Variants in HMGB1 observed in about 807,000 individuals in gnomAD.
HMGB1 encodes high mobility group protein B1.
For synonymous variants in HMGB1, 81 were observed against 84.0 expected, an observed-to-expected ratio of 0.96 and a Z score of 0.19; for missense variants, 79 against 253.5, an observed-to-expected ratio of 0.31 and a Z score of 4.67.
In HMGB1 at chr13:30,522,870, C is replaced by T. The variant is rs117870265; in HGVS notation, c.-14-59176G>A. On this transcript the variant is annotated intron_variant, in intron 1 of 4. Coordinates refer to the HMGB1 transcript ENST00000405805. ...AGCTGGGACTACAAGCATGCACTGC[C>T]GTGCCTGGCTCATTTTTGTATTTTT... Among the ~76,000 whole-genome samples the T allele has an allele frequency of 2.8e-4, 42 of 152,280 alleles. 2 individuals carry two copies. In the East Asian group the frequency reaches 6.9e-3, roughly 25 times the overall value.
intron 1 of HMGB1, among the ~76,000 whole-genome samples, chr13:30,505,101 G>A (rs867236682): frequency 1.3e-5 from 2 of 151,646 alleles, no homozygotes; most frequent in African/African-American, 2.4e-5. Context: ...TTCCCAAGTA[G>A]CTGGGACTAC....
intron 1 of HMGB1, among the ~76,000 whole-genome samples, chr13:30,580,759 A>G (rs1178976333): frequency 1.3e-5 from 2 of 152,194 alleles, no homozygotes; most frequent in Non-Finnish European, 1.5e-5. Flanking sequence ...TGGAGACTAG[A>G]ATGATACATA....
chr13:30,494,059 A>G (rs891194678), intron 1 of HMGB1, among the ~76,000 whole-genome samples: 1 of 152,154 alleles, frequency 6.6e-6, no homozygotes, highest in Admixed American at 6.5e-5. Flanking sequence ...TATTGTATAC[A>G]ACTCAGTAAA....
chr13:30,537,917 TC>T (rs1868531754), intron 1 of HMGB1, among the ~76,000 whole-genome samples: 1 of 152,048 alleles, frequency 6.6e-6, no homozygotes, highest in African/African-American at 2.4e-5. Flanking sequence ...TCCCTTCTTC[TC>T]TTTTTTAAAA....
intron 1 of HMGB1, among the ~76,000 whole-genome samples, chr13:30,608,737 C>G (rs548665989): frequency 6.6e-6 from 1 of 152,338 alleles, no homozygotes; most frequent in Non-Finnish European, 1.5e-5. Context: ...TAGTTCTTTG[C>G]AGCTCGTTGT....
intron 1 of HMGB1, among the ~76,000 whole-genome samples, chr13:30,513,885 T>C (rs1467125885): frequency 6.6e-6 from 1 of 152,188 alleles, no homozygotes; most frequent in Non-Finnish European, 1.5e-5. Flanking sequence ...AGCAATACTA[T>C]GCATCTAGCG....
chr13:30,469,750 C>T (rs1279456972), upstream of HMGB1, among the ~76,000 whole-genome samples: 1 of 152,202 alleles, frequency 6.6e-6, no homozygotes, highest in African/African-American at 2.4e-5. Flanking sequence ...CCTGCCTCAG[C>T]CTCCCGAACA....
At chr13:30,495,858 C>A (rs996099604) in intron 1 of HMGB1, among the ~76,000 whole-genome samples, 1 of 152,136 alleles carries the variant, frequency 6.6e-6, no homozygotes. Context: ...GGCCTTGAGT[C>A]ATTTCTCAGG....
chr13:30,461,335 A>G lies in HMGB1; in HGVS notation c.*22T>C, dbSNP rs201310993. ...GTTAAATGCTTTATAGACAAGAAAAAAAAAACTGCGCTAGAACCAACTTAT... is the reference window on the plus strand; with the variant it reads ...GTTAAATGCTTTATAGACAAGAAAAGAAAAACTGCGCTAGAACCAACTTAT... On this transcript the variant is annotated 3_prime_UTR_variant, in exon 5 of 5. Coordinates refer to ENST00000341423, the MANE Select transcript of HMGB1 (RefSeq NM_002128.7). 1 of 1,539,778 alleles carries G rather than the reference A, an allele frequency of 6.5e-7. No homozygotes were observed. The highest frequency in any genetic ancestry group is 8.7e-7 in the Non-Finnish European group (1 of 1,150,312).
At chr13:30,602,469 A>T (rs1222268930) in intron 1 of HMGB1, among the ~76,000 whole-genome samples, 1 of 152,270 alleles carries the variant, frequency 6.6e-6, no homozygotes, top group African/African-American at 2.4e-5. Context: ...TTACAGTTCG[A>T]CTAAAAACAT....
intron 1 of HMGB1, among the ~76,000 whole-genome samples, chr13:30,537,446 C>T (rs1371469249): frequency 2.6e-5 from 4 of 151,936 alleles, no homozygotes; most frequent in Admixed American, 1.3e-4. Context: ...GAGCCACTAC[C>T]TGCTCCTCGT....
chr13:30,472,240 G>C (rs1886961583), intron 1 of HMGB1, among the ~76,000 whole-genome samples: 1 of 152,066 alleles, frequency 6.6e-6, no homozygotes, highest in African/African-American at 2.4e-5. Context: ...GACTACACCA[G>C]AGTGCCACAG....
intron 1 of HMGB1, among the ~76,000 whole-genome samples, chr13:30,597,590 TACTCA>T (rs1220669054): frequency 6.6e-6 from 1 of 152,208 alleles, no homozygotes; most frequent in Non-Finnish European, 1.5e-5. Flanking sequence ...AGATTTCTCA[TACTCA>T]ACTGTTTACA....
chr13:30,578,124 G>A (rs893829033), intron 1 of HMGB1, among the ~76,000 whole-genome samples: 3 of 151,856 alleles, frequency 2.0e-5, no homozygotes, highest in African/African-American at 7.3e-5. Context: ...TGCCTGCAAC[G>A]TCCTTGCCCT....
At chr13:30,479,288 C>T (rs1306558605) in intron 1 of HMGB1, among the ~76,000 whole-genome samples, 6 of 152,172 alleles carry the variant, frequency 3.9e-5, no homozygotes, top group South Asian at 2.1e-4. Context: ...TTCTTAGAGG[C>T]GTTTTAAACA....
intron 1 of HMGB1, among the ~76,000 whole-genome samples, chr13:30,499,392 C>G (rs915406638): frequency 6.6e-6 from 1 of 152,234 alleles, no homozygotes; most frequent in African/African-American, 2.4e-5. Context: ...AATCTCTGAT[C>G]TCCAGATTGG....
At chr13:30,538,611 C>T (rs1314685752) in intron 1 of HMGB1, among the ~76,000 whole-genome samples, 4 of 93,278 alleles carry the variant, frequency 4.3e-5, no homozygotes, top group African/African-American at 1.7e-4. Flanking sequence ...TTCTTTCTTT[C>T]TCTTTCTCTC....
At chr13:30,553,538 TA>T (rs1195034852) in intron 1 of HMGB1, 7 of 457,898 alleles carry the variant, frequency 1.5e-5, no homozygotes, top group African/African-American at 1.4e-4. Flanking sequence ...ATTTACCAAA[TA>T]TATATATGAA....
At chr13:30,568,729 G>A (rs1300192986) in intron 1 of HMGB1, among the ~76,000 whole-genome samples, 1 of 152,162 alleles carries the variant, frequency 6.6e-6, no homozygotes, top group African/African-American at 2.4e-5. Context: ...CCAGAAGCCA[G>A]GAGAGATGCA....
Sources: gnomAD v4.1 joint callset for allele counts (sites outside exome capture counted in the v4.1 genomes callset) on GRCh38, gnomAD v4.1.1 for gene constraint, MANE v1.5 for transcripts, NCBI Gene and HGNC (gene_info 2026-07-23, HGNC 2026-07-21) for gene names.